IGF1R: variants seen among roughly 807,000 people sequenced by gnomAD.
The protein encoded by IGF1R is insulin like growth factor 1 receptor.
IGF1R carries 44 observed loss-of-function variants against 144.6 expected under a neutral mutation model. The ratio of observed to expected loss-of-function variants is 0.30; its 90% CI spans 0.24 to 0.39. IGF1R has a LOEUF of 0.39. Ranked by LOEUF, IGF1R falls within the 10% of genes least tolerant of loss-of-function variation. The probability of loss-of-function intolerance (pLI) is 1.00; values close to 1 mark genes in which losing one functional copy is unlikely to be tolerated. For synonymous variants in IGF1R, 795 were observed against 722.8 expected (o/e 1.10, Z -1.60); for missense variants, 1,355 against 1,833.7 (o/e 0.74, Z 4.77).
intron 4 of IGF1R, among the ~76,000 whole-genome samples, chr15:98,899,110 T>C (rs1442671282): frequency 6.6e-6 from 1 of 152,250 alleles, no homozygotes; most frequent in East Asian, 1.9e-4. Context: ...AGTCATGCCC[T>C]TGTACTGTGG....
chr15:98,783,307 T>A (rs1340729034), intron 2 of IGF1R, among the ~76,000 whole-genome samples: 1 of 152,172 alleles, frequency 6.6e-6, no homozygotes, highest in Non-Finnish European at 1.5e-5. Context: ...CTACTTCCCT[T>A]CTATCTCTCC....
At chr15:98,754,030 T>A (rs1567111722) in intron 2 of IGF1R, among the ~76,000 whole-genome samples, 2 of 152,220 alleles carry the variant, frequency 1.3e-5, no homozygotes, top group Non-Finnish European at 2.9e-5. Context: ...CTTGTTTTCC[T>A]TTTTCAGAAA....
At chr15:98,706,855 ACT>A (rs550809294) in intron 1 of IGF1R, among the ~76,000 whole-genome samples, 5 of 151,596 alleles carry the variant, frequency 3.3e-5, no homozygotes, top group South Asian at 2.1e-4. Context: ...TTACCTCTAA[ACT>A]CTGTAGGAAG....
At chr15:98,792,157 G>A (rs940959719) in intron 2 of IGF1R, among the ~76,000 whole-genome samples, 1 of 152,178 alleles carries the variant, frequency 6.6e-6, no homozygotes, top group Non-Finnish European at 1.5e-5. Context: ...AGGTTTGTTA[G>A]GTATGCCTGA....
intron 1 of IGF1R, among the ~76,000 whole-genome samples, chr15:98,671,715 C>G (rs887563046): frequency 1.3e-5 from 2 of 152,214 alleles, no homozygotes; most frequent in African/African-American, 4.8e-5. Flanking sequence ...CTTCCTGATT[C>G]ATAGCTTCCA....
intron 2 of IGF1R, among the ~76,000 whole-genome samples, chr15:98,782,978 C>G (rs1400906844): frequency 6.6e-6 from 1 of 152,180 alleles, no homozygotes; most frequent in Non-Finnish European, 1.5e-5. Context: ...GATGAAGTGG[C>G]AGCACACAGG....
intron 9 of IGF1R, chr15:98,916,382 A>G (rs1233805411): frequency 1.8e-6 from 1 of 554,102 alleles, no homozygotes; most frequent in Non-Finnish European, 3.2e-6. Flanking sequence ...ATTCCCCAGC[A>G]TTCCGAGTAG....
chr15:98,892,163 C>A (rs923547386), intron 3 of IGF1R, among the ~76,000 whole-genome samples: 1 of 152,178 alleles, frequency 6.6e-6, no homozygotes, highest in Admixed American at 6.5e-5. Flanking sequence ...ATCAGCACTT[C>A]CTTCCTCTCA....
chr15:98,961,870 C>G lies in IGF1R; in HGVS notation c.*4428C>G. 4.3e-6 allele frequency: 1 copy of G among 233,274 alleles called. No homozygotes were observed. Among genetic ancestry groups the G allele is most frequent in the Non-Finnish European group, 8.5e-6 (1 of 118,064 alleles). The allele number at this position is 233,274 out of a possible 1,614,324, so 14.5% of individuals were successfully genotyped here. On this transcript the variant is annotated 3_prime_UTR_variant, in exon 21 of 21. Transcript: ENST00000650285. ...CGACCTGGCCTCTCCTGGCCTGTTTCTTAAGATGCGGAGTCACATTTCAAT... is the reference window on the plus strand; with the variant it reads ...CGACCTGGCCTCTCCTGGCCTGTTTGTTAAGATGCGGAGTCACATTTCAAT...
intron 2 of IGF1R, among the ~76,000 whole-genome samples, chr15:98,849,426 A>C (rs1006345436): frequency 3.9e-5 from 6 of 152,228 alleles, no homozygotes; most frequent in African/African-American, 1.2e-4. Context: ...AAGTGAATCC[A>C]AGGTAAAAGT....
intron 15 of IGF1R, 143 bp downstream of exon 15, chr15:98,930,448 C>A: frequency 1.6e-6 from 1 of 612,466 alleles, no homozygotes; most frequent in Non-Finnish European, 2.9e-6. Flanking sequence ...ATTAATATTT[C>A]TTTCTTTCTT....
rs370559574 is a variant in IGF1R at position 98,891,407 on chromosome 15, G to A, written c.723G>A (p.Ala241=). 37 of 1,613,172 alleles carry A rather than the reference G, an allele frequency of 2.3e-5. No homozygotes were observed. The highest frequency in any genetic ancestry group is 1.6e-4 in the Middle Eastern group (1 of 6,082). ...CHPECLGSCS[A]PDNDTACVAC... is the part of the protein sequence containing the mutation. ...CCGAGTGCCTGGGCAGCTGCAGCGC[G>A]CCTGACAACGACACGGCCTGTGTAG... Residue 241 remains alanine (A), a synonymous_variant, in exon 3 of 21, where the codon GCG becomes GCA. Transcript: ENST00000650285. The surrounding 1 kb of genome is among the most constrained non-coding windows in gnomAD (Gnocchi z 4.7).
intron 19 of IGF1R, among the ~76,000 whole-genome samples, chr15:98,944,327 T>C (rs1245559501): frequency 1.3e-5 from 2 of 152,266 alleles, no homozygotes; most frequent in East Asian, 3.8e-4. Context: ...ACCTAGAGTG[T>C]GTTCATTGCC....
chr15:98,764,355 C>G (rs1281738970), intron 2 of IGF1R, among the ~76,000 whole-genome samples: 1 of 152,012 alleles, frequency 6.6e-6, no homozygotes, highest in African/African-American at 2.4e-5. Context: ...TTTTGTTACA[C>G]TAGTTTTATC....
At chr15:98,955,174 C>T (rs941013884) in intron 20 of IGF1R, among the ~76,000 whole-genome samples, 2 of 152,140 alleles carry the variant, frequency 1.3e-5, no homozygotes, top group African/African-American at 2.4e-5. Flanking sequence ...GCAGTTCACA[C>T]ACATAACTGC....
At chr15:98,701,583 A>G (rs1056964372) in intron 1 of IGF1R, among the ~76,000 whole-genome samples, 8 of 151,946 alleles carry the variant, frequency 5.3e-5, no homozygotes, top group Admixed American at 4.6e-4. Flanking sequence ...CCGTGATCCT[A>G]CCGCCTCGGC....
chr15:98,922,004 G>C, intron 10 of IGF1R, 144 bp from the exon 11 acceptor site: 1 of 784,710 alleles, frequency 1.3e-6, no homozygotes, highest in South Asian at 1.6e-5. Flanking sequence ...GGACATCCCT[G>C]TGTTATTCAT....
chr15:98,835,537 A>G (rs974696392), intron 2 of IGF1R, among the ~76,000 whole-genome samples: 10 of 152,230 alleles, frequency 6.6e-5, no homozygotes. Flanking sequence ...CACCCCAAGG[A>G]TTGACCCAGG....
At chr15:98,682,991 T>G (rs1414650724) in intron 1 of IGF1R, among the ~76,000 whole-genome samples, 1 of 151,022 alleles carries the variant, frequency 6.6e-6, no homozygotes, top group East Asian at 1.9e-4. Flanking sequence ...CTCATATCAG[T>G]GACCTCCCCA....
Sources: allele counts gnomAD v4.1 joint callset (sites outside exome capture counted in the v4.1 genomes callset), GRCh38; gene constraint gnomAD v4.1.1; non-coding constraint Gnocchi (gnomAD v3.1); transcripts MANE v1.5; gene names NCBI Gene and HGNC (gene_info 2026-07-23, HGNC 2026-07-21).